The following FBN3 variants were observed in gnomAD, a reference collection of about 807,000 sequenced individuals.
FBN3 encodes fibrillin 3.
FBN3 carries 234 observed loss-of-function variants against 330.1 expected under a neutral mutation model. The observed-to-expected ratio is 0.71, with a 90% CI of 0.64 to 0.79. The LOEUF is 0.79. Among genes scored for constraint, FBN3 ranks in the 30% least tolerant of loss-of-function variants. The pLI is 0.00. For synonymous variants in FBN3, 1,458 were observed against 1,517.3 expected, an observed-to-expected ratio of 0.96 and a Z score of 0.91; for missense variants, 3,606 against 3,886.9, an observed-to-expected ratio of 0.93 and a Z score of 1.92.
chr19:8,073,356 C>T, intron 61 of FBN3, 59 bp from the exon 62 acceptor site: 1 of 1,389,658 alleles, frequency 7.2e-7, no homozygotes, highest in Non-Finnish European at 1.0e-6. Context: ...GCAGCCTTCA[C>T]ACCCCCAGAG....
At chr19:8,067,832 G>A (rs575459611) in intron 63 of FBN3, among the ~76,000 whole-genome samples, 6 of 152,272 alleles carry the variant, frequency 3.9e-5, no homozygotes, top group African/African-American at 1.4e-4. Context: ...GAGGGCCAAG[G>A]TGGACAGATT....
At position 8,097,011 on chromosome 19, in the gene FBN3, G is replaced by T; in HGVS notation, c.5288-5C>A. 1 of 1,611,874 alleles carries T rather than the reference G, an allele frequency of 6.2e-7. No homozygotes were observed. ...TGCTGCCACACTCATCGACATCTGGGAAAATACAGCAAATGAGGTGGGGGT... is the reference window on the plus strand; with the variant it reads ...TGCTGCCACACTCATCGACATCTGGTAAAATACAGCAAATGAGGTGGGGGT... On this transcript the variant is annotated splice_region_variant and splice_polypyrimidine_tract_variant and intron_variant, in intron 42 of 63. Coordinates refer to ENST00000600128, the MANE Select transcript of FBN3 (RefSeq NM_032447.5).
chr19:8,080,965 C>A, intron 59 of FBN3, 38 bp downstream of exon 59: 1 of 1,427,908 alleles, frequency 7.0e-7, no homozygotes, highest in South Asian at 1.1e-5. Context: ...ATGCTGGGGT[C>A]ATGGGTCACC....
rs201220144 is a variant in FBN3, at chr19:8,129,067, G to C, written c.2257C>G (p.Pro753Ala). ...SPGSYSCSCP[P>A]GFHFWQDTEI... ...GTGTCCTGCCAGAAGTGGAAGCCGG[G>C]GGGGCAGGAGCAGCTGTAGCTGCCA... is the stretch of plus-strand genomic sequence containing the variant. Residue 753 changes from proline (P) to alanine (A), a missense_variant, in exon 18 of 64, where the codon CCC becomes GCC. Pro to Ala is a conservative substitution (Grantham distance 27). Transcript: ENST00000600128. This position sits in a 1 kb window ranked among gnomAD's most constrained non-coding sequence, Gnocchi z 4.5. 178 of 1,613,336 alleles carry C rather than the reference G, an allele frequency of 1.1e-4. 1 individual carries two copies. The highest frequency in any genetic ancestry group is 3.3e-4 in the South Asian group (30 of 91,002).
intron 57 of FBN3, among the ~76,000 whole-genome samples, chr19:8,082,456 CCCTTCCTT>C (rs201197502): frequency 0.086 from 11,756 of 136,090 alleles, 795 homozygotes; most frequent in African/African-American, 0.18. Flanking sequence ...TCCTTCCCTT[CCCTTCCTT>C]CCTTCCTTCC....
At chr19:8,124,076 GCT>G in intron 22 of FBN3, 68 bp from the exon 23 acceptor site, 1 of 1,336,106 alleles carries the variant, frequency 7.5e-7, no homozygotes, top group Non-Finnish European at 1.1e-6. Context: ...CAGGCGTGCC[GCT>G]CAGTCACTCC....
intron 47 of FBN3, among the ~76,000 whole-genome samples, 158 bp from the exon 48 acceptor site, chr19:8,091,748 G>A (rs1479158790): frequency 1.3e-5 from 2 of 152,182 alleles, no homozygotes; most frequent in Non-Finnish European, 2.9e-5. Context: ...TCAGCACGAG[G>A]TGGGCATTGT....
intron 38 of FBN3, 67 bp from the exon 39 acceptor site, chr19:8,103,754 T>C: frequency 6.5e-7 from 1 of 1,530,130 alleles, no homozygotes; most frequent in Non-Finnish European, 8.9e-7. Context: ...ATAACTCCAC[T>C]CCAGAGACCC....
At position 8,126,527 on chromosome 19, in the gene FBN3, G is replaced by T; in HGVS notation, c.2495C>A (p.Ser832Tyr). Reference sequence around the variant, plus strand: ...TGCCCCGAGGGTGGCGCAGCACTCAGACCGCAGGCTGGCTCCCTGAAGGTT... The same window carrying T: ...TGCCCCGAGGGTGGCGCAGCACTCATACCGCAGGCTGGCTCCCTGAAGGTT... ...EVNLQGASLR[S>Y]ECCATLGAAW... Residue 832 changes from serine (S) to tyrosine (Y), a missense_variant, in exon 20 of 64, where the codon TCT (serine) becomes TAT (tyrosine). Ser to Tyr is a moderately radical substitution (Grantham distance 144). Transcript: ENST00000600128. 6.2e-7 allele frequency: 1 copy of T among 1,613,240 alleles called. No individual in the cohort carries two copies. Among genetic ancestry groups the T allele is most frequent in the Non-Finnish European group, 8.5e-7 (1 of 1,179,890 alleles).
rs368444712 is a variant in FBN3, at chr19:8,096,600, G to A, written c.5414-31C>T. The A allele has an allele frequency of 5.4e-5, 86 of 1,585,430 alleles. No individual in the cohort carries two copies. The highest frequency in any genetic ancestry group is 7.2e-5 in the Non-Finnish European group (84 of 1,165,914). On this transcript the variant is annotated intron_variant, in intron 43 of 63. Coordinates refer to ENST00000600128, the MANE Select transcript of FBN3 (RefSeq NM_032447.5). This position sits in a 1 kb window ranked among gnomAD's most constrained non-coding sequence, Gnocchi z 4.6. ...GGTGCAGAGAGCATGGTGTTCCCAG[G>A]GCTCCTACCACAGTGTTTGCCTGAG...
chr19:8,067,134 T>C (rs951333248), intron 63 of FBN3, among the ~76,000 whole-genome samples: 6 of 149,620 alleles, frequency 4.0e-5, no homozygotes, highest in African/African-American at 1.5e-4. Flanking sequence ...TTTTTCTTTT[T>C]TTTTTTTTTT....
chr19:8,139,461 G>A (rs539097619), intron 8 of FBN3, among the ~76,000 whole-genome samples: 1 of 152,206 alleles, frequency 6.6e-6, no homozygotes, highest in South Asian at 2.1e-4. Flanking sequence ...GCTCCCCGTC[G>A]CTGCAGGCAT....
chr19:8,126,227 T>C, intron 21 of FBN3, 70 bp downstream of exon 21: 1 of 1,504,230 alleles, frequency 6.6e-7, no homozygotes, highest in Non-Finnish European at 9.1e-7. Context: ...GTGGCACCCA[T>C]GAGGGTGGTG....
intron 56 of FBN3, among the ~76,000 whole-genome samples, chr19:8,084,580 T>A (rs1413919018): frequency 6.6e-6 from 1 of 151,530 alleles, no homozygotes; most frequent in Non-Finnish European, 1.5e-5. Context: ...CCTCTTGCTT[T>A]TTATTTTTAT....
intron 63 of FBN3, 76 bp from the exon 64 acceptor site, chr19:8,066,336 G>A (rs2145321339): frequency 9.0e-7 from 1 of 1,111,700 alleles, no homozygotes; most frequent in South Asian, 1.7e-5. Flanking sequence ...TCCTCGGATT[G>A]TGGCCAAAGA....
chr19:8,067,682 C>T (rs2081422813), intron 63 of FBN3, among the ~76,000 whole-genome samples: 1 of 152,158 alleles, frequency 6.6e-6, no homozygotes, highest in South Asian at 2.1e-4. Context: ...ATCTTTGAGG[C>T]ACTGGGGATT....
At position 8,144,959 on chromosome 19, in the gene FBN3, G is replaced by A. The variant is rs370064076; in HGVS notation, c.459C>T (p.Arg153=). 80 of 1,610,336 alleles carry A rather than the reference G, an allele frequency of 5.0e-5. No homozygotes were observed. The highest frequency in any genetic ancestry group is 1.5e-4 in the Admixed American group (9 of 59,504). ...GTVCGQPICD[R]GCHNGGRCIG... is the part of the protein sequence containing the mutation. ...TGCAGCGACCCCCATTGTGGCAGCCGCGGTCACAGATGGCTGTGGAGGAGA... is the reference window on the plus strand; with the variant it reads ...TGCAGCGACCCCCATTGTGGCAGCCACGGTCACAGATGGCTGTGGAGGAGA... Residue 153 remains arginine, a synonymous_variant, in exon 6 of 64, where the codon CGC becomes CGT. Coordinates refer to ENST00000600128, the MANE Select transcript of FBN3 (RefSeq NM_032447.5).
rs750181018 is a variant in FBN3, at chr19:8,094,575, G to A, written c.5786-10C>T. 1 of 1,611,554 alleles carries A rather than the reference G, an allele frequency of 6.2e-7. No homozygotes were observed. The highest frequency in any genetic ancestry group is 8.5e-7 in the Non-Finnish European group (1 of 1,178,410). ...AGGCACTCATTGGTGTCTGTGAAAA[G>A]GAGGAAGAAAGGTCCTTGTGCCAGC... On this transcript the variant is annotated splice_polypyrimidine_tract_variant and intron_variant, in intron 46 of 63. Coordinates refer to ENST00000600128, the MANE Select transcript of FBN3 (RefSeq NM_032447.5).
chr19:8,144,732 A>T, intron 6 of FBN3, 145 bp downstream of exon 6: 1 of 606,658 alleles, frequency 1.6e-6, no homozygotes, highest in Non-Finnish European at 2.9e-6. Flanking sequence ...TGAGCAAATG[A>T]AAGAAATGTC....
Sources: gnomAD v4.1 joint callset for allele counts (sites outside exome capture counted in the v4.1 genomes callset) on GRCh38, gnomAD v4.1.1 for gene constraint, Gnocchi (gnomAD v3.1) non-coding constraint, MANE v1.5 for transcripts, NCBI Gene and HGNC (gene_info 2026-07-23, HGNC 2026-07-21) for gene names.